MPP4: variants seen among roughly 807,000 people sequenced by gnomAD.
MPP4 encodes MAGUK p55 subfamily member 4.
A neutral mutation model predicts 98.3 loss-of-function variants in MPP4; 91 were observed. The ratio of observed to expected loss-of-function variants is 0.93; its 90% CI spans 0.78 to 1.10. The LOEUF is 1.10. Among genes scored for constraint, MPP4 ranks in the 50% least tolerant of loss-of-function variants. The probability of loss-of-function intolerance (pLI) is 0.00; values close to 1 mark genes in which losing one functional copy is unlikely to be tolerated. For missense variants in MPP4, 744 were observed against 792.9 expected, an observed-to-expected ratio of 0.94 and a Z score of 0.74; for synonymous variants, 261 against 271.8, an observed-to-expected ratio of 0.96 and a Z score of 0.39.
intron 11 of MPP4, among the ~76,000 whole-genome samples, chr2:201,671,572 GA>G (rs1688343962): frequency 6.6e-6 from 1 of 151,472 alleles, no homozygotes; most frequent in African/African-American, 2.4e-5. Flanking sequence ...CAAGCAAATG[GA>G]AAGCAAAAAA....
chr2:201,659,089 T>A (rs1376894110), intron 15 of MPP4, among the ~76,000 whole-genome samples: 2 of 152,026 alleles, frequency 1.3e-5, no homozygotes, highest in African/African-American at 4.8e-5. Flanking sequence ...AGAGATGGAG[T>A]TTCACCATGT....
intron 18 of MPP4, chr2:201,650,492 T>A: frequency 2.0e-6 from 2 of 985,430 alleles, no homozygotes; most frequent in Non-Finnish European, 2.4e-6. Context: ...GCCTGAAAGC[T>A]CCCAGGTAGC....
chr2:201,687,382 G>C lies in MPP4; in HGVS notation c.280-11C>G. The C allele has an allele frequency of 1.3e-6, 2 of 1,561,296 alleles. No homozygotes were observed. The highest frequency in any genetic ancestry group is 1.7e-6 in the Non-Finnish European group (2 of 1,150,836). On this transcript the variant is annotated splice_polypyrimidine_tract_variant and intron_variant, in intron 4 of 21. Transcript: ENST00000409474. ...TAATAACTCCACTACCTGGTTCATGGAAAAGGATACATTATAAAAATTTTA... is the reference window on the plus strand; with the variant it reads ...TAATAACTCCACTACCTGGTTCATGCAAAAGGATACATTATAAAAATTTTA...
chr2:201,664,358 GA>G (rs1445266255), intron 13 of MPP4: 1 of 1,382,964 alleles, frequency 7.2e-7, no homozygotes, highest in Non-Finnish European at 9.6e-7. Flanking sequence ...TAAAATAATA[GA>G]AGGTGAATAA....
chr2:201,677,897 C>T (rs557224911), intron 10 of MPP4, among the ~76,000 whole-genome samples: 15 of 152,270 alleles, frequency 9.9e-5, no homozygotes, highest in African/African-American at 2.2e-4. Context: ...AGCCCGCGCT[C>T]GGGGCAGGCC....
chr2:201,683,007 C>A, intron 7 of MPP4, 91 bp from the exon 8 acceptor site: 1 of 876,304 alleles, frequency 1.1e-6, no homozygotes, highest in Non-Finnish European at 1.9e-6. Flanking sequence ...AACTCACTAA[C>A]CCAAGCATGC....
intron 10 of MPP4, among the ~76,000 whole-genome samples, chr2:201,676,291 GA>G (rs1688504995): frequency 6.6e-6 from 1 of 152,180 alleles, no homozygotes; most frequent in South Asian, 2.1e-4. Flanking sequence ...CTGATCCAGG[GA>G]AGTCAAGCAA....
intron 12 of MPP4, among the ~76,000 whole-genome samples, chr2:201,666,986 T>C (rs1267298205): frequency 6.6e-6 from 1 of 152,148 alleles, no homozygotes; most frequent in Non-Finnish European, 1.5e-5. Flanking sequence ...CACAAATTAG[T>C]TGACCTCTAA....
At chr2:201,657,954 GTTT>G (rs775379919) in intron 16 of MPP4, among the ~76,000 whole-genome samples, 1 of 129,954 alleles carries the variant, frequency 7.7e-6, no homozygotes, top group African/African-American at 3.0e-5. Context: ...GTGGCCCCTT[GTTT>G]TTTTTTTTTT....
rs1456735713 is a variant in MPP4 at position 201,665,140 on chromosome 2, A to G, written c.1052-1039T>C. 4 of 143,742 alleles carry G rather than the reference A, an allele frequency of 2.8e-5. No homozygotes were observed. The East Asian group carries it at 6.2e-4, about 22-fold the overall frequency. 8.9% of individuals were successfully genotyped at this position (143,742 alleles called of 1,614,324 possible). A position where few individuals can be genotyped will look rare whatever the true frequency, so the allele number is the denominator to read the frequency against. ...GAGTGCAGTGGCGCAATCTCGGCTCACTGCAAGCTCTGCCTCCCGGGTTCA... is the reference window on the plus strand; with the variant it reads ...GAGTGCAGTGGCGCAATCTCGGCTCGCTGCAAGCTCTGCCTCCCGGGTTCA... On this transcript the variant is annotated intron_variant, in intron 13 of 21. Coordinates refer to ENST00000409474, the MANE Select transcript of MPP4 (RefSeq NM_033066.3).
chr2:201,651,200 A>T, intron 18 of MPP4: 1 of 985,478 alleles, frequency 1.0e-6, no homozygotes, highest in Non-Finnish European at 1.2e-6. Context: ...CATGGAAATG[A>T]TCAAGTAGAA....
At chr2:201,665,856 A>G (rs1688161093) in intron 13 of MPP4, 1 of 142,606 alleles carries the variant, frequency 7.0e-6, no homozygotes, top group South Asian at 2.1e-4. Context: ...CCCAATTTAC[A>G]AAAAAATTAA....
chr2:201,695,058 A>G (rs1325867272), intron 1 of MPP4, among the ~76,000 whole-genome samples: 1 of 152,192 alleles, frequency 6.6e-6, no homozygotes, highest in Non-Finnish European at 1.5e-5. Context: ...GGCTTAGCAG[A>G]GTAGTTTATA....
intron 1 of MPP4, among the ~76,000 whole-genome samples, chr2:201,695,265 G>A (rs6435094): frequency 0.62 from 93,942 of 151,880 alleles, 30,157 homozygotes; most frequent in Non-Finnish European, 0.72. Flanking sequence ...AACAGGGTAG[G>A]GGAGGAAGGG....
chr2:201,697,779 T>A (rs1376465905), intron 1 of MPP4, among the ~76,000 whole-genome samples: 1 of 152,194 alleles, frequency 6.6e-6, no homozygotes, highest in Non-Finnish European at 1.5e-5. Context: ...TTAGAGATAA[T>A]CAAATGCAAA....
In MPP4 at chr2:201,693,064, G is replaced by A. The variant is rs184291686; in HGVS notation, c.80-35C>T. On this transcript the variant is annotated intron_variant, in intron 2 of 21. Coordinates refer to ENST00000409474, the MANE Select transcript of MPP4 (RefSeq NM_033066.3). Reference sequence around the variant, plus strand: ...GAAGAGAGCAGAGATGGGGTGGCAGGTGCGGGTGTAAATGTGAAAGGCAAC... The same window carrying A: ...GAAGAGAGCAGAGATGGGGTGGCAGATGCGGGTGTAAATGTGAAAGGCAAC... The A allele has an allele frequency of 5.3e-5, 85 of 1,595,648 alleles. 1 individual carries two copies. In the East Asian group the frequency reaches 1.9e-3, roughly 35 times the overall value.
chr2:201,673,767 G>A (rs1037621083), intron 11 of MPP4, among the ~76,000 whole-genome samples: 3 of 152,198 alleles, frequency 2.0e-5, no homozygotes, highest in Admixed American at 6.5e-5. Context: ...AAAAGGAAAA[G>A]TAATTTTTGG....
rs191350861 is a variant in MPP4, at chr2:201,654,478, G to A, written c.1381+359C>T. ...GCCATTTTAGACTGTTGTGGGGTAGGGGGAGTGGGGAGGGATAGCATTAGG... is the reference window on the plus strand; with the variant it reads ...GCCATTTTAGACTGTTGTGGGGTAGAGGGAGTGGGGAGGGATAGCATTAGG... On this transcript the variant is annotated intron_variant, in intron 18 of 21. Coordinates refer to ENST00000409474, the MANE Select transcript of MPP4 (RefSeq NM_033066.3). Among the ~76,000 whole-genome samples the A allele has an allele frequency of 3.3e-5, 5 of 152,272 alleles. No individual in the cohort carries two copies. The East Asian group carries it at 5.8e-4, about 18-fold the overall frequency.
At chr2:201,670,487 G>A (rs1304874534) in intron 11 of MPP4, among the ~76,000 whole-genome samples, 1 of 152,084 alleles carries the variant, frequency 6.6e-6, no homozygotes, top group Non-Finnish European at 1.5e-5. Context: ...ATATTTGTGA[G>A]GATAATAATA....
Sources: allele counts gnomAD v4.1 joint callset (sites outside exome capture counted in the v4.1 genomes callset), GRCh38; gene constraint gnomAD v4.1.1; transcripts MANE v1.5; gene names NCBI Gene and HGNC (gene_info 2026-07-23, HGNC 2026-07-21).